The following SRFBP1 variants were observed in gnomAD, a reference collection of about 807,000 sequenced individuals.
SRFBP1 encodes serum response factor binding protein 1, also known as serum response factor-binding protein 1.
Under a neutral mutation model 45.5 loss-of-function variants are expected in SRFBP1, and 47 were observed. The ratio of observed to expected loss-of-function variants is 1.03; its 90% confidence interval spans 0.82 to 1.32. The LOEUF is 1.32. Among genes scored for constraint, SRFBP1 ranks in the 40% most tolerant of loss-of-function variants. SRFBP1 has a pLI of 0.00. For missense variants in SRFBP1, 621 were observed against 484.6 expected, an observed-to-expected ratio of 1.28 and a Z score of -2.64; for synonymous variants, 203 against 166.3, an observed-to-expected ratio of 1.22 and a Z score of -1.70.
chr5:121,975,749 A>G (rs909093071), intron 3 of SRFBP1, among the ~76,000 whole-genome samples: 1 of 151,994 alleles, frequency 6.6e-6, no homozygotes, highest in African/African-American at 2.4e-5. Flanking sequence ...GGATGGTGAT[A>G]TTGGTGGCTG....
intron 7 of SRFBP1, among the ~76,000 whole-genome samples, chr5:122,023,233 A>G (rs545917940): frequency 2.0e-4 from 31 of 152,342 alleles, no homozygotes; most frequent in Admixed American, 3.3e-4. Context: ...TTTTTCTTCC[A>G]GTGACCAGAC....
chr5:122,033,311 C>A (rs940348125), downstream of SRFBP1, among the ~76,000 whole-genome samples: 1 of 151,804 alleles, frequency 6.6e-6, no homozygotes, highest in Non-Finnish European at 1.5e-5. Flanking sequence ...CATGTTATTT[C>A]TTTTTCTGCC....
At chr5:122,031,808 G>C (rs1753591597), downstream of SRFBP1, among the ~76,000 whole-genome samples, 1 of 152,322 alleles carries the variant, frequency 6.6e-6, no homozygotes, top group South Asian at 2.1e-4. Flanking sequence ...GGCATAAAAA[G>C]GAATGAAGTA....
intron 2 of SRFBP1, among the ~76,000 whole-genome samples, chr5:122,040,865 G>C (rs1253241012): frequency 2.6e-5 from 4 of 151,810 alleles, no homozygotes; most frequent in African/African-American, 4.9e-5. Flanking sequence ...TCTTGTTAGA[G>C]AGAACTTCTC....
intron 3 of SRFBP1, among the ~76,000 whole-genome samples, chr5:121,988,574 CTCACCTGA>C: frequency 6.6e-6 from 1 of 152,338 alleles, no homozygotes; most frequent in South Asian, 2.1e-4. Flanking sequence ...ACCAGGAAAG[CTCACCTGA>C]GCCTAGGTGT....
intron 7 of SRFBP1, 150 bp downstream of exon 7, chr5:122,022,557 A>C: frequency 3.2e-6 from 2 of 618,020 alleles, no homozygotes; most frequent in South Asian, 8.5e-5. Context: ...TATCAATATA[A>C]TTTTTTGTTG....
intron 4 of SRFBP1, among the ~76,000 whole-genome samples, chr5:122,010,130 T>G (rs1193888876): frequency 6.6e-6 from 1 of 152,180 alleles, no homozygotes; most frequent in African/African-American, 2.4e-5. Context: ...CTTTTGATTT[T>G]CTCCAGCATT....
At chr5:122,033,132 A>AT (rs999274942), downstream of SRFBP1, among the ~76,000 whole-genome samples, 2,411 of 139,470 alleles carry the variant, frequency 0.017, 59 homozygotes, top group African/African-American at 0.053. Flanking sequence ...AATTTTTTGA[A>AT]TTTTTTTTTT....
In SRFBP1 at chr5:122,034,340, G is replaced by T. The variant is rs372207157; in HGVS notation, n.311+11933G>T. Among the ~76,000 whole-genome samples, 15 of 152,056 alleles carry T rather than the reference G, an allele frequency of 9.9e-5. No individual in the cohort carries two copies. In the East Asian group the frequency reaches 2.9e-3, roughly 29 times the overall value. The stretch of plus-strand genomic sequence containing the variant: ...CATTTAGTCTGTTTTTCGTTATAAT[G>T]TGTTTACTGTGCTCTTCTTTAAAAA... On this transcript the variant is annotated intron_variant and non_coding_transcript_variant, in intron 2 of 2. Transcript: ENST00000504881.
chr5:122,005,758 T>G (rs1181654689), intron 4 of SRFBP1, among the ~76,000 whole-genome samples: 1 of 152,160 alleles, frequency 6.6e-6, no homozygotes, highest in African/African-American at 2.4e-5. Flanking sequence ...TGTTTCTCAT[T>G]AAATGATTTT....
At chr5:122,040,107 T>C (rs906459882) in intron 2 of SRFBP1, among the ~76,000 whole-genome samples, 5 of 152,156 alleles carry the variant, frequency 3.3e-5, no homozygotes, top group Non-Finnish European at 5.9e-5. Flanking sequence ...TTTTAATCAA[T>C]TTGTGAAATT....
chr5:121,979,553 A>G (rs1452718153), intron 3 of SRFBP1, among the ~76,000 whole-genome samples: 1 of 152,164 alleles, frequency 6.6e-6, no homozygotes, highest in Non-Finnish European at 1.5e-5. Flanking sequence ...TTACACTATA[A>G]TTATTTCTGA....
intron 2 of SRFBP1, among the ~76,000 whole-genome samples, chr5:122,062,287 T>C (rs56811587): frequency 1.9e-3 from 296 of 152,052 alleles, no homozygotes; most frequent in African/African-American, 6.9e-3. Flanking sequence ...AAAAGGAGTA[T>C]GGGGAAAGGT....
intron 2 of SRFBP1, among the ~76,000 whole-genome samples, chr5:122,047,954 A>T (rs571661296): frequency 1.2e-4 from 18 of 152,118 alleles, no homozygotes; most frequent in Non-Finnish European, 2.1e-4. Context: ...GGCTGAGATG[A>T]TGGGGTTTTC....
chr5:122,011,859 A>AT (rs1753101331), intron 4 of SRFBP1, among the ~76,000 whole-genome samples: 1 of 152,106 alleles, frequency 6.6e-6, no homozygotes, highest in Non-Finnish European at 1.5e-5. Flanking sequence ...AGGTGCAAAT[A>AT]TTATCTCAGT....
intron 2 of SRFBP1, among the ~76,000 whole-genome samples, chr5:122,074,837 CA>C: frequency 6.6e-6 from 1 of 152,142 alleles, no homozygotes; most frequent in Admixed American, 6.5e-5. Context: ...TTTAAGGCCA[CA>C]CATGAGGATT....
intron 2 of SRFBP1, among the ~76,000 whole-genome samples, chr5:122,061,609 A>G (rs184835678): frequency 1.3e-5 from 2 of 152,198 alleles, no homozygotes; most frequent in African/African-American, 4.8e-5. Flanking sequence ...TTTTAAGTAT[A>G]CAAAATGAAT....
chr5:121,965,364 G>C (rs1752040881), intron 1 of SRFBP1, among the ~76,000 whole-genome samples: 2 of 152,136 alleles, frequency 1.3e-5, no homozygotes, highest in African/African-American at 4.8e-5. Flanking sequence ...GTTAATTTTT[G>C]TATAAGGTGT....
At chr5:122,064,125 T>C (rs1025848377) in intron 2 of SRFBP1, 2 of 151,974 alleles carry the variant, frequency 1.3e-5, no homozygotes, top group African/African-American at 4.8e-5. Context: ...TTTCTGTCTT[T>C]TTTAGTGTAA....
Sources: gnomAD v4.1 joint callset for allele counts (sites outside exome capture counted in the v4.1 genomes callset) on GRCh38, gnomAD v4.1.1 for gene constraint, MANE v1.5 for transcripts, NCBI Gene and HGNC (gene_info 2026-07-23, HGNC 2026-07-21) for gene names.